GRID2: variants seen among roughly 807,000 people sequenced by gnomAD.
GRID2 encodes the protein glutamate ionotropic receptor delta type subunit 2, also known as glutamate receptor ionotropic, delta-2.
A neutral mutation model predicts 114.8 loss-of-function variants in GRID2; 33 were observed. That is an observed-to-expected ratio of 0.29 (90% CI 0.22 to 0.38). The LOEUF (loss-of-function observed/expected upper bound fraction) is 0.38. Among genes scored for constraint, GRID2 ranks in the 10% least tolerant of loss-of-function variants. The pLI is 1.00. For synonymous variants in GRID2, 505 were observed against 449.9 expected (o/e 1.12, Z -1.55); for missense variants, 1,184 against 1,257.7 (o/e 0.94, Z 0.89).
At chr4:92,907,738 T>A (rs1748063655) in intron 2 of GRID2, among the ~76,000 whole-genome samples, 1 of 152,046 alleles carries the variant, frequency 6.6e-6, no homozygotes, top group South Asian at 2.1e-4. Context: ...AAACTTAAAT[T>A]TTCAGCTGGG....
At chr4:92,950,089 T>A (rs1368350319) in intron 2 of GRID2, among the ~76,000 whole-genome samples, 2 of 152,168 alleles carry the variant, frequency 1.3e-5, no homozygotes, top group Non-Finnish European at 1.5e-5. Flanking sequence ...TTTGGATCCG[T>A]CCTGTTTTGC....
chr4:93,328,066 C>A (rs534201185), intron 8 of GRID2, among the ~76,000 whole-genome samples: 3 of 152,010 alleles, frequency 2.0e-5, no homozygotes, highest in African/African-American at 7.2e-5. Flanking sequence ...GTAATCCCAG[C>A]ACTTTCGCGC....
At chr4:93,612,382 A>T (rs926842569) in intron 13 of GRID2, among the ~76,000 whole-genome samples, 49 of 148,856 alleles carry the variant, frequency 3.3e-4, no homozygotes, top group Middle Eastern at 3.4e-3. Context: ...TTTGCTTGTT[A>T]GTTGATGCAG....
intron 4 of GRID2, among the ~76,000 whole-genome samples, chr4:93,120,196 A>G (rs899222834): frequency 3.9e-5 from 6 of 152,182 alleles, no homozygotes; most frequent in Admixed American, 3.9e-4. Context: ...GTGATTCCTC[A>G]AGGATCTAGA....
At chr4:93,677,658 C>G (rs1725038579) in intron 14 of GRID2, among the ~76,000 whole-genome samples, 1 of 152,146 alleles carries the variant, frequency 6.6e-6, no homozygotes, top group Admixed American at 6.5e-5. Context: ...GCTGCTGATA[C>G]CCAGGCAAAC....
At chr4:92,452,826 T>C (rs1355098114) in intron 1 of GRID2, among the ~76,000 whole-genome samples, 1 of 127,110 alleles carries the variant, frequency 7.9e-6, no homozygotes, top group Non-Finnish European at 1.8e-5. Flanking sequence ...ATGTTTACCA[T>C]ATATATATAT....
At chr4:93,607,125 C>T (rs1740322747) in intron 13 of GRID2, among the ~76,000 whole-genome samples, 1 of 151,950 alleles carries the variant, frequency 6.6e-6, no homozygotes, top group African/African-American at 2.4e-5. Context: ...TTTCCCCATT[C>T]TTCTCTTTTT....
intron 2 of GRID2, among the ~76,000 whole-genome samples, chr4:92,942,457 G>T (rs959913226): frequency 3.9e-5 from 6 of 152,176 alleles, no homozygotes; most frequent in Non-Finnish European, 8.8e-5. Context: ...TTGAGCCTGT[G>T]TGTGTCTCTG....
intron 2 of GRID2, among the ~76,000 whole-genome samples, chr4:92,979,764 A>C (rs551546837): frequency 6.6e-6 from 1 of 152,180 alleles, no homozygotes; most frequent in African/African-American, 2.4e-5. Flanking sequence ...CTTTGGAATT[A>C]GTGCAAGCAA....
intron 10 of GRID2, among the ~76,000 whole-genome samples, chr4:93,448,462 C>T (rs368612194): frequency 6.6e-6 from 1 of 151,430 alleles, no homozygotes; most frequent in African/African-American, 2.4e-5. Context: ...AAACACTACA[C>T]CCTCATAATA....
chr4:93,189,012 CTTCTT>C (rs1740714667), intron 4 of GRID2, among the ~76,000 whole-genome samples: 1 of 152,172 alleles, frequency 6.6e-6, no homozygotes, highest in Non-Finnish European at 1.5e-5. Context: ...CTACAGTTCT[CTTCTT>C]CAGAGCCCTC....
chr4:93,658,283 C>T (rs1454209188), intron 14 of GRID2, among the ~76,000 whole-genome samples: 1 of 151,748 alleles, frequency 6.6e-6, no homozygotes, highest in Non-Finnish European at 1.5e-5. Flanking sequence ...CAAAAATAGA[C>T]AAAGATAACA....
At chr4:92,924,891 T>C (rs1749682888) in intron 2 of GRID2, among the ~76,000 whole-genome samples, 1 of 152,102 alleles carries the variant, frequency 6.6e-6, no homozygotes, top group Admixed American at 6.6e-5. Flanking sequence ...GTGGAAGCTG[T>C]TAATGTGAGA....
intron 1 of GRID2, among the ~76,000 whole-genome samples, chr4:92,491,646 G>A (rs1723153222): frequency 6.6e-6 from 1 of 151,878 alleles, no homozygotes; most frequent in Non-Finnish European, 1.5e-5. Flanking sequence ...ATGCCTCATG[G>A]ATAGATGGAA....
chr4:92,747,230 AAG>A (rs1737194818), intron 2 of GRID2, among the ~76,000 whole-genome samples: 1 of 152,216 alleles, frequency 6.6e-6, no homozygotes, highest in Non-Finnish European at 1.5e-5. Context: ...TTTATAAAAA[AAG>A]ATATATAAAT....
intron 3 of GRID2, among the ~76,000 whole-genome samples, chr4:93,110,086 A>T (rs986406614): frequency 6.6e-6 from 1 of 152,172 alleles, no homozygotes; most frequent in Non-Finnish European, 1.5e-5. Context: ...TATGTTTTGA[A>T]AAAATATGTT....
At chr4:93,669,097 T>C (rs935186190) in intron 14 of GRID2, among the ~76,000 whole-genome samples, 1 of 152,112 alleles carries the variant, frequency 6.6e-6, no homozygotes, top group Admixed American at 6.6e-5. Context: ...CATTTTATTA[T>C]AGTACATCAG....
intron 3 of GRID2, 49 bp downstream of exon 3, chr4:93,085,328 G>A (rs1730236009): frequency 1.5e-6 from 2 of 1,368,198 alleles, no homozygotes; most frequent in Non-Finnish European, 1.0e-6. Flanking sequence ...ATTTGCATGA[G>A]AAGCAAATTC....
chr4:93,417,515 C>T (rs905117623), intron 9 of GRID2, among the ~76,000 whole-genome samples: 9 of 151,998 alleles, frequency 5.9e-5, no homozygotes, highest in Non-Finnish European at 1.0e-4. Flanking sequence ...AAAAAGCAGA[C>T]GATTGTCATT....
Sources: allele counts gnomAD v4.1 joint callset (sites outside exome capture counted in the v4.1 genomes callset), GRCh38; gene constraint gnomAD v4.1.1; transcripts MANE v1.5; gene names NCBI Gene and HGNC (gene_info 2026-07-23, HGNC 2026-07-21).